The following SREBF1 variants were observed in gnomAD, a reference collection of about 807,000 sequenced individuals.
The protein encoded by SREBF1 is sterol regulatory element binding transcription factor 1, also known as sterol regulatory element-binding protein 1.
A neutral mutation model predicts 100.1 loss-of-function variants in SREBF1; 45 were observed. The ratio of observed to expected loss-of-function variants is 0.45; its 90% CI spans 0.35 to 0.58. The LOEUF (loss-of-function observed/expected upper bound fraction) is 0.58, where lower values mean the gene tolerates loss of function less well. Among genes scored for constraint, SREBF1 ranks in the 20% least tolerant of loss-of-function variants. SREBF1 has a pLI of 0.00. For missense variants in SREBF1, 1,324 were observed against 1,539.4 expected (o/e 0.86, Z 2.34); for synonymous variants, 657 against 681.8 (o/e 0.96, Z 0.57).
In SREBF1 at chr17:17,816,727, G is replaced by T; in HGVS notation, c.1786-9C>A. On this transcript the variant is annotated splice_polypyrimidine_tract_variant and intron_variant, in intron 9 of 18. Coordinates refer to ENST00000261646, the MANE Select transcript of SREBF1 (RefSeq NM_004176.5). ...GCCTGGGCAAAGTCTCCCTGTGGAT[G>T]AGGGTTTTCCAGGTGAGAAAAGTGA... The T allele has an allele frequency of 1.3e-6, 2 of 1,575,878 alleles. No individual in the cohort carries two copies. Among genetic ancestry groups the T allele is most frequent in the Non-Finnish European group, 1.7e-6 (2 of 1,161,696 alleles).
intron 13 of SREBF1, 117 bp downstream of exon 13, chr17:17,815,104 C>T: frequency 8.0e-7 from 1 of 1,247,740 alleles, no homozygotes; most frequent in African/African-American, 1.5e-5. Context: ...AGGAATGAAG[C>T]GTGCATGGCA....
intron 1 of SREBF1, among the ~76,000 whole-genome samples, chr17:17,825,867 C>T (rs1191617364): frequency 2.0e-5 from 3 of 152,180 alleles, no homozygotes; most frequent in Non-Finnish European, 4.4e-5. Flanking sequence ...CCTCCCACCT[C>T]GGCCTCCCAA....
chr17:17,833,943 C>T lies in SREBF1; in HGVS notation c.91+2784G>A, dbSNP rs575898165. On this transcript the variant is annotated intron_variant, in intron 1 of 18. Coordinates refer to ENST00000261646, the MANE Select transcript of SREBF1 (RefSeq NM_004176.5). ...CTGAGATCATGCCACTGGACTACAG[C>T]ATGGGCAAAAGAGCGAGACCCTGTC... Among the ~76,000 whole-genome samples, 1,027 of 151,652 alleles carry T rather than the reference C, an allele frequency of 6.8e-3. 5 individuals carry two copies. Among genetic ancestry groups the T allele is most frequent in the Non-Finnish European group, 0.012 (797 of 67,948 alleles).
At chr17:17,821,586 G>A (rs1345194168) in intron 1 of SREBF1, among the ~76,000 whole-genome samples, 1 of 152,164 alleles carries the variant, frequency 6.6e-6, no homozygotes, top group Non-Finnish European at 1.5e-5. Context: ...CTGAGGAGTG[G>A]GTGATTTTCC....
chr17:17,827,385 C>A lies in SREBF1; in HGVS notation c.92-6864G>T, dbSNP rs533795120. Reference sequence around the variant, plus strand: ...GGTGCTCATGGGATTCCAGAGCACACCCTCTCGGCCTGCTAATGGAGGCAG... The same window carrying A: ...GGTGCTCATGGGATTCCAGAGCACAACCTCTCGGCCTGCTAATGGAGGCAG... On this transcript the variant is annotated intron_variant, in intron 1 of 18. Transcript: ENST00000261646. Among the ~76,000 whole-genome samples the A allele has an allele frequency of 2.6e-5, 4 of 152,326 alleles. No homozygotes were observed. In the South Asian group the frequency reaches 8.3e-4, roughly 32 times the overall value.
In SREBF1 at chr17:17,811,542, G is replaced by T. The variant is rs971964618; in HGVS notation, c.*1080C>A. 2.9e-5 allele frequency: 9 copies of T among 310,926 alleles called. No homozygotes were observed. The highest frequency in any genetic ancestry group is 1.4e-4 in the East Asian group (1 of 7,370). 19.3% of individuals were successfully genotyped at this position (310,926 alleles called of 1,614,324 possible). ...TGGGAATGAAGGGAGGGGCTGGGGG[G>T]GGGGGCATGAATGGAGTCAGGGAGT... On this transcript the variant is annotated 3_prime_UTR_variant, in exon 19 of 19. Transcript: ENST00000261646.
intron 17 of SREBF1, 30 bp from the exon 18 acceptor site, chr17:17,813,509 C>A (rs770235804): frequency 1.1e-4 from 180 of 1,588,276 alleles, no homozygotes; most frequent in Middle Eastern, 1.7e-4. Context: ...AGGCTCAGGG[C>A]TCTCCATCTC....
intron 1 of SREBF1, chr17:17,823,679 A>AGCCCCGCCCCAGCCCC: frequency 1.0e-6 from 1 of 998,878 alleles, no homozygotes; most frequent in South Asian, 1.6e-5. Context: ...CCCCGCCCCC[A>AGCCCCGCCCCAGCCCC]GCCCCGCCCC....
chr17:17,826,966 T>G (rs757950608), intron 1 of SREBF1, among the ~76,000 whole-genome samples: 3 of 152,228 alleles, frequency 2.0e-5, no homozygotes, highest in Non-Finnish European at 4.4e-5. Context: ...GATCCATCTC[T>G]GACAATATCT....
In SREBF1 at chr17:17,817,626, C is replaced by T. The variant is rs752413049; in HGVS notation, c.1404+70G>A. ...GGGAGGTAGGATCTGTTAGGGTCTT[C>T]CCGGCCCTGTCATGAGGCTCAGAGG... On this transcript the variant is annotated intron_variant, in intron 7 of 18. Coordinates refer to ENST00000261646, the MANE Select transcript of SREBF1 (RefSeq NM_004176.5). This position sits in a 1 kb window ranked among gnomAD's most constrained non-coding sequence, Gnocchi z 6.6. 79 of 1,596,032 alleles carry T rather than the reference C, an allele frequency of 4.9e-5. No individual in the cohort carries two copies. The highest frequency in any genetic ancestry group is 6.3e-5 in the Non-Finnish European group (73 of 1,167,124).
chr17:17,826,362 A>G (rs1478807359), intron 1 of SREBF1, among the ~76,000 whole-genome samples: 2 of 151,582 alleles, frequency 1.3e-5, no homozygotes, highest in Non-Finnish European at 2.9e-5. Flanking sequence ...GCACAATTTA[A>G]GGAAGAGCCT....
Position 17,813,381 on chromosome 17 carries a change from G to C in SREBF1, c.3201C>G (p.Pro1067=). 1 of 1,597,750 alleles carries C rather than the reference G, an allele frequency of 6.3e-7. No homozygotes were observed. The highest frequency in any genetic ancestry group is 1.1e-5 in the South Asian group (1 of 88,896). ...LDRSLRRRAG[P]GGKGGAVAEL... is the part of the protein sequence containing the mutation. ...CTGCCCCCTCACCTCCTTTGCCACC[G>C]GGGCCTGCCCGCCGCCTCAGACTGC... is the stretch of plus-strand genomic sequence containing the variant. The change falls in exon 18 of 19, where the codon CCC becomes CCG. Residue 1067 remains proline, a synonymous_variant. Transcript: ENST00000261646.
rs2033760737 is a variant in SREBF1, at chr17:17,817,854, C to A, written c.1246G>T (p.Gly416Cys). The change falls in exon 7 of 19, where the codon GGC becomes TGC. Residue 416 changes from glycine (G) to cysteine (C), a missense_variant. Transcript: ENST00000261646. This position sits in a 1 kb window ranked among gnomAD's most constrained non-coding sequence, Gnocchi z 6.6. ...SGGNTDVLMEGVKTEVEDTLT... is the reference protein window; with the variant it reads ...SGGNTDVLMECVKTEVEDTLT... ...GTGTCCTCCACCTCAGTCTTCACGC[C>A]CTCCATGAGCACGTCTGTGTTCCCT... 6.2e-7 allele frequency: 1 copy of A among 1,607,262 alleles called. No individual in the cohort carries two copies. The highest frequency in any genetic ancestry group is 8.5e-7 in the Non-Finnish European group (1 of 1,179,996).
chr17:17,818,806 C>A, intron 5 of SREBF1: 1 of 644,930 alleles, frequency 1.6e-6, no homozygotes, highest in South Asian at 1.8e-5. Context: ...TTGCTGCATC[C>A]CCAATGCCTA....
chr17:17,815,206 CACA>C lies in SREBF1; in HGVS notation c.2492+12_2492+14del, dbSNP rs770901003. On this transcript the variant is annotated intron_variant, in intron 13 of 18. Transcript: ENST00000261646. ...CGGAGGGGCCTTGCCTGGAGGAGGGCACAACGACACTTACTTGTCCCCATCAGC... is the reference window on the plus strand; with the variant it reads ...CGGAGGGGCCTTGCCTGGAGGAGGGCACGACACTTACTTGTCCCCATCAGC... 1.9e-6 allele frequency: 3 copies of C among 1,608,192 alleles called. No homozygotes were observed. The East Asian group carries it at 6.7e-5, about 36-fold the overall frequency.
At chr17:17,814,203 T>G in intron 16 of SREBF1, 42 bp downstream of exon 16, 1 of 1,571,032 alleles carries the variant, frequency 6.4e-7, no homozygotes, top group Non-Finnish European at 8.6e-7. Context: ...AATGGAAAGC[T>G]GAATCCCCCA....
At chr17:17,822,810 C>T (rs1432892425) in intron 1 of SREBF1, among the ~76,000 whole-genome samples, 1 of 152,198 alleles carries the variant, frequency 6.6e-6, no homozygotes, top group Non-Finnish European at 1.5e-5. Context: ...CAGCTGGCAC[C>T]GAGTGGAGAC....
Position 17,836,750 on chromosome 17 carries a change from G to A in SREBF1, c.68C>T (p.Ala23Val). The part of the protein sequence containing the change: ...QALGEPCDLD[A>V]ALLTDIEDML... ...ACCTTCGATGTCGGTCAGCAGCGCCGCGTCCAGATCGCACGGCTCGCCCAG... is the reference window on the plus strand; with the variant it reads ...ACCTTCGATGTCGGTCAGCAGCGCCACGTCCAGATCGCACGGCTCGCCCAG... The change falls in exon 1 of 19, where the codon GCG (alanine) becomes GTG (valine). Residue 23 changes from alanine (A) to valine (V), a missense_variant. Coordinates refer to ENST00000261646, the MANE Select transcript of SREBF1 (RefSeq NM_004176.5). 1 of 1,572,940 alleles carries A rather than the reference G, an allele frequency of 6.4e-7. No individual in the cohort carries two copies.
chr17:17,816,185 C>CG (rs145123525), intron 11 of SREBF1, 22 bp downstream of exon 11: 1 of 28,782 alleles, frequency 3.5e-5, no homozygotes, highest in Non-Finnish European at 6.2e-5. Flanking sequence ...GGGATAAGCC[C>CG]CCAGCCCCCC....
Sources: gnomAD v4.1 joint callset for allele counts (sites outside exome capture counted in the v4.1 genomes callset) on GRCh38, gnomAD v4.1.1 for gene constraint, Gnocchi (gnomAD v3.1) non-coding constraint, MANE v1.5 for transcripts, NCBI Gene and HGNC (gene_info 2026-07-23, HGNC 2026-07-21) for gene names.